HSD17B12: variants seen among roughly 807,000 people sequenced by gnomAD.
HSD17B12 encodes very-long-chain 3-oxoacyl-CoA reductase.
HSD17B12 carries 32 observed loss-of-function variants against 39.3 expected under a neutral mutation model. The observed-to-expected ratio is 0.81, with a 90% CI of 0.61 to 1.09. HSD17B12 has a LOEUF of 1.09. Among genes scored for constraint, HSD17B12 ranks in the 50% least tolerant of loss-of-function variants. HSD17B12 has a pLI of 0.00. For missense variants in HSD17B12, 342 were observed against 382.9 expected (o/e 0.89, Z 0.89); for synonymous variants, 150 against 146.7 (o/e 1.02, Z -0.16).
chr11:43,768,295 T>G (rs1950615218), intron 3 of HSD17B12, among the ~76,000 whole-genome samples: 1 of 152,050 alleles, frequency 6.6e-6, no homozygotes, highest in African/African-American at 2.4e-5. Context: ...CCTGTTGGAG[T>G]TATTATATTA....
chr11:43,689,053 A>G (rs1949828911), intron 1 of HSD17B12, among the ~76,000 whole-genome samples: 3 of 152,184 alleles, frequency 2.0e-5, no homozygotes, highest in Admixed American at 2.0e-4. Context: ...GAACAGACCA[A>G]TTAGGAGATG....
chr11:43,790,959 A>G (rs1217606819), intron 3 of HSD17B12, among the ~76,000 whole-genome samples: 1 of 152,176 alleles, frequency 6.6e-6, no homozygotes, highest in Non-Finnish European at 1.5e-5. Context: ...GCACCATTGC[A>G]TTCCAGCCTG....
At chr11:43,691,881 G>T (rs1590663753) in intron 1 of HSD17B12, among the ~76,000 whole-genome samples, 1 of 152,166 alleles carries the variant, frequency 6.6e-6, no homozygotes, top group Admixed American at 6.5e-5. Flanking sequence ...GTTGTTGCAT[G>T]TTGGCCTCAC....
At chr11:43,811,766 T>C (rs866485769) in intron 4 of HSD17B12, among the ~76,000 whole-genome samples, 3 of 152,172 alleles carry the variant, frequency 2.0e-5, no homozygotes, top group South Asian at 4.1e-4. Context: ...ATACAATACA[T>C]TGTTGTTAAC....
the HSD17B12 span, chr11:43,570,172 C>T: frequency 6.6e-6 from 1 of 152,614 alleles, no homozygotes; most frequent in African/African-American, 2.4e-5. Flanking sequence ...TGAAGGGACC[C>T]AGGGTGTATC....
the HSD17B12 span, among the ~76,000 whole-genome samples, chr11:43,574,503 T>C: frequency 6.6e-6 from 1 of 151,980 alleles, no homozygotes; most frequent in East Asian, 1.9e-4. Context: ...GTGCATGTGG[T>C]TTTGTTCAGA....
chr11:43,597,050 C>A, the HSD17B12 span, among the ~76,000 whole-genome samples: 11 of 152,326 alleles, frequency 7.2e-5, no homozygotes, highest in African/African-American at 2.6e-4. Flanking sequence ...AATAAACATT[C>A]ATTCACTTAC....
chr11:43,719,221 G>T (rs950426499), intron 1 of HSD17B12: 1 of 639,248 alleles, frequency 1.6e-6, no homozygotes, highest in African/African-American at 1.8e-5. Context: ...ATTTCTGGTT[G>T]GGCTGGGAGG....
At chr11:43,575,027 A>G in the HSD17B12 span, among the ~76,000 whole-genome samples, 1 of 152,222 alleles carries the variant, frequency 6.6e-6, no homozygotes, top group African/African-American at 2.4e-5. The surrounding 1 kb of genome is among the most constrained non-coding windows in gnomAD (Gnocchi z 4.1). Flanking sequence ...CACCGCCAGA[A>G]CTGACGCCTT....
chr11:43,769,669 T>C (rs1484279341), intron 3 of HSD17B12, among the ~76,000 whole-genome samples: 1 of 152,254 alleles, frequency 6.6e-6, no homozygotes, highest in Non-Finnish European at 1.5e-5. Flanking sequence ...GTTTTTGACT[T>C]CTATTTCTGA....
At chr11:43,579,844 C>T in the HSD17B12 span, among the ~76,000 whole-genome samples, 1 of 151,848 alleles carries the variant, frequency 6.6e-6, no homozygotes. Context: ...GACGTTTTCT[C>T]CGGGCGTGCT....
the HSD17B12 span, among the ~76,000 whole-genome samples, chr11:43,604,696 A>G: frequency 2.0e-5 from 3 of 152,180 alleles, no homozygotes; most frequent in South Asian, 4.1e-4. Flanking sequence ...TGGATCTGGG[A>G]TGCATACTAG....
chr11:43,675,343 A>G, the HSD17B12 span, among the ~76,000 whole-genome samples: 1 of 152,158 alleles, frequency 6.6e-6, no homozygotes, highest in East Asian at 1.9e-4. Context: ...AAATAATACA[A>G]AGGAGTGAGC....
At chr11:43,583,681 G>C in the HSD17B12 span, among the ~76,000 whole-genome samples, 6 of 100,044 alleles carry the variant, frequency 6.0e-5, no homozygotes, top group East Asian at 1.1e-3. Context: ...AGGGCAAAGT[G>C]GGGGGGGGTG....
At chr11:43,785,870 G>A (rs1950811372) in intron 3 of HSD17B12, among the ~76,000 whole-genome samples, 1 of 152,132 alleles carries the variant, frequency 6.6e-6, no homozygotes, top group South Asian at 2.1e-4. Flanking sequence ...GAAAATATTT[G>A]TTCCTGAATT....
chr11:43,735,113 T>C (rs1253499516), intron 1 of HSD17B12, among the ~76,000 whole-genome samples: 1 of 152,268 alleles, frequency 6.6e-6, no homozygotes, highest in Non-Finnish European at 1.5e-5. Flanking sequence ...AATCCCTTTT[T>C]GTGGCTGAAT....
the HSD17B12 span, among the ~76,000 whole-genome samples, chr11:43,666,301 T>C: frequency 2.8e-4 from 43 of 152,144 alleles, no homozygotes; most frequent in African/African-American, 1.0e-3. Flanking sequence ...CCTCCTGGGC[T>C]CAATAGATCC....
At chr11:43,787,189 G>A (rs1035088615) in intron 3 of HSD17B12, among the ~76,000 whole-genome samples, 7 of 152,096 alleles carry the variant, frequency 4.6e-5, no homozygotes, top group South Asian at 2.1e-4. Context: ...TGATCCACCC[G>A]CCTCCGCCTC....
chr11:43,613,671 A>ATT, the HSD17B12 span, among the ~76,000 whole-genome samples: 1 of 144,834 alleles, frequency 6.9e-6, no homozygotes, highest in East Asian at 2.0e-4. Context: ...CCTTCCATGA[A>ATT]TTTTTTTTTT....
Sources: allele counts gnomAD v4.1 joint callset (sites outside exome capture counted in the v4.1 genomes callset), GRCh38; gene constraint gnomAD v4.1.1; non-coding constraint Gnocchi (gnomAD v3.1); transcripts MANE v1.5; gene names NCBI Gene and HGNC (gene_info 2026-07-23, HGNC 2026-07-21).